NOS1: variants seen among roughly 807,000 people sequenced by gnomAD.
NOS1 encodes nitric oxide synthase 1.
NOS1 carries 51 observed loss-of-function variants against 164.5 expected under a neutral mutation model. The observed-to-expected ratio is 0.31, with a 90% confidence interval of 0.25 to 0.39. The LOEUF is 0.39. Ranked by LOEUF, NOS1 falls within the 10% of genes least tolerant of loss-of-function variation. The probability of loss-of-function intolerance (pLI) is 1.00; values close to 1 mark genes in which losing one functional copy is unlikely to be tolerated. For missense variants in NOS1, 1,362 were observed against 1,885.6 expected, an observed-to-expected ratio of 0.72 and a Z score of 5.14; for synonymous variants, 719 against 745.8, an observed-to-expected ratio of 0.96 and a Z score of 0.59.
chr12:117,275,228 G>T (rs1303597997), intron 9 of NOS1, among the ~76,000 whole-genome samples: 1 of 151,970 alleles, frequency 6.6e-6, no homozygotes, highest in Non-Finnish European at 1.5e-5. Context: ...CAGGTCTGGT[G>T]TGGATCAAGT....
intron 3 of NOS1, among the ~76,000 whole-genome samples, chr12:117,291,438 T>C (rs1221271245): frequency 6.6e-6 from 1 of 151,776 alleles, no homozygotes; most frequent in East Asian, 1.9e-4. Context: ...ACTCTGCAAA[T>C]GATTTGGCCA....
Position 117,251,596 on chromosome 12 carries a change from A to AT in NOS1, c.2648+2041dup, listed in dbSNP as rs11347925. On this transcript the variant is annotated intron_variant, in intron 17 of 28. Coordinates refer to ENST00000317775, the MANE Select transcript of NOS1 (RefSeq NM_000620.5). ...CCCAGCTAATCAATTAATTTTTTTC[A>AT]TTTTTTTTTTTTTTTGTAGACACAG... Among the ~76,000 whole-genome samples, 245 of 136,124 alleles carry AT rather than the reference A, an allele frequency of 1.8e-3. 1 individual carries two copies. The highest frequency in any genetic ancestry group is 0.011 in the Middle Eastern group (3 of 274). The allele number at this position is 136,124 out of a possible 152,430, so 89.3% of individuals were successfully genotyped here.
intron 20 of NOS1, among the ~76,000 whole-genome samples, chr12:117,239,541 A>G (rs1330759698): frequency 6.6e-6 from 1 of 152,188 alleles, no homozygotes; most frequent in African/African-American, 2.4e-5. Context: ...ATCACCCTCA[A>G]AAGGCTGCCT....
In NOS1 at chr12:117,265,472, G is replaced by A. The variant is rs765418769; in HGVS notation, c.1980C>T (p.Thr660=). ...TCTCCATGTGCTTAATGAAGGACTC[G>A]GTGGCGGAGTGATGGTCAACAATGG... ...KVTIVDHHSA[T]ESFIKHMENE... is the part of the protein sequence containing the mutation. Residue 660 remains threonine (T), a synonymous_variant, in exon 12 of 29, where the codon ACC becomes ACT. Coordinates refer to ENST00000317775, the MANE Select transcript of NOS1 (RefSeq NM_000620.5). 8.9e-6 allele frequency: 14 copies of A among 1,573,416 alleles called. No homozygotes were observed. Among genetic ancestry groups the A allele is most frequent in the South Asian group, 3.6e-5 (3 of 82,494 alleles).
intron 17 of NOS1, among the ~76,000 whole-genome samples, chr12:117,248,802 C>A (rs1870863402): frequency 6.6e-6 from 1 of 151,564 alleles, no homozygotes; most frequent in South Asian, 2.1e-4. Flanking sequence ...AACTAGTTTA[C>A]AGTCCCACCA....
At chr12:117,285,096 A>T (rs920649785) in intron 7 of NOS1, 145 bp downstream of exon 7, 15 of 322,628 alleles carry the variant, frequency 4.6e-5, no homozygotes, top group Admixed American at 4.0e-4. Context: ...TAAAAAAAAA[A>T]GATGCCAGGA....
At chr12:117,340,157 C>T (rs1876029456) in intron 1 of NOS1, among the ~76,000 whole-genome samples, 1 of 152,076 alleles carries the variant, frequency 6.6e-6, no homozygotes, top group Admixed American at 6.6e-5. Context: ...GCACACACCA[C>T]CGTGACTGGC....
At chr12:117,295,784 T>A (rs571368375) in intron 3 of NOS1, among the ~76,000 whole-genome samples, 1 of 151,572 alleles carries the variant, frequency 6.6e-6, no homozygotes, top group Non-Finnish European at 1.5e-5. Flanking sequence ...CATGCCTGGC[T>A]AATTTTTCTA....
At chr12:117,289,758 A>C (rs565293099) in intron 4 of NOS1, among the ~76,000 whole-genome samples, 1 of 152,314 alleles carries the variant, frequency 6.6e-6, no homozygotes, top group Admixed American at 6.5e-5. Flanking sequence ...TGTCTTGCTT[A>C]TCTGGGAGGG....
At position 117,234,574 on chromosome 12, in the gene NOS1, T is replaced by C; in HGVS notation, c.3226A>G (p.Thr1076Ala). The C allele has an allele frequency of 1.2e-6, 2 of 1,613,570 alleles. No homozygotes were observed. The highest frequency in any genetic ancestry group is 1.7e-6 in the Non-Finnish European group (2 of 1,179,628). The change falls in exon 21 of 29, where the codon ACG (threonine) becomes GCG (alanine). Residue 1076 changes from threonine to alanine, a missense_variant. By Grantham distance (58) the Thr-to-Ala change is moderately conservative. Transcript: ENST00000317775. The surrounding 1 kb of genome is among the most constrained non-coding windows in gnomAD (Gnocchi z 4.3). ...TCCCCGGGAATGTTACCTAAAGCCG[T>C]GTTCCGCTCCTCCAGCAGTTCCACT... ...VKVELLEERN[T>A]ALGVISNWTD... is the part of the protein sequence containing the mutation.
chr12:117,213,512 A>AT lies in NOS1; in HGVS notation c.*1796dup, dbSNP rs1212966778. On this transcript the variant is annotated 3_prime_UTR_variant, in exon 29 of 29. Transcript: ENST00000317775. ...AGGACACCGGTGGGGGCTGCCAGGG[A>AT]TGGCAGAGCAAGGTGAGTCATAGAT... 1.0e-6 allele frequency: 1 copy of AT among 985,266 alleles called. No individual in the cohort carries two copies. The highest frequency in any genetic ancestry group is 1.7e-5 in the African/African-American group (1 of 57,206). 61.0% of individuals were successfully genotyped at this position (985,266 alleles called of 1,614,324 possible).
chr12:117,314,845 G>A (rs1301137379), intron 2 of NOS1, among the ~76,000 whole-genome samples: 1 of 152,156 alleles, frequency 6.6e-6, no homozygotes. Context: ...GACCTCAGGC[G>A]ATCCACCTGC....
chr12:117,285,079 TAA>T (rs1566058734), intron 7 of NOS1, among the ~76,000 whole-genome samples, 160 bp downstream of exon 7: 5 of 148,408 alleles, frequency 3.4e-5, no homozygotes, highest in African/African-American at 1.2e-4. Flanking sequence ...TAAAATAAAA[TAA>T]AAAATAAAAA....
At chr12:117,221,374 C>T (rs1267799517) in intron 26 of NOS1, among the ~76,000 whole-genome samples, 1 of 151,576 alleles carries the variant, frequency 6.6e-6, no homozygotes, top group Non-Finnish European at 1.5e-5. Flanking sequence ...GTCTCAAACT[C>T]CTGGCCTCAA....
rs139337779 is a variant in NOS1 at position 117,326,108 on chromosome 12, G to A, written c.725+4237C>T. Among the ~76,000 whole-genome samples the A allele has an allele frequency of 5.7e-3, 865 of 152,238 alleles. 5 individuals are homozygous for A. Among genetic ancestry groups the A allele is most frequent in the Middle Eastern group, 0.037 (11 of 294 alleles). On this transcript the variant is annotated intron_variant, in intron 2 of 28. Transcript: ENST00000317775. ...GTGTTAAGAAATGGGGGTGCTGGCC[G>A]GGCATGGTGGCTCACTCCTGTAATC... is the stretch of plus-strand genomic sequence containing the variant.
At chr12:117,235,488 C>A (rs553392761) in intron 20 of NOS1, among the ~76,000 whole-genome samples, 1 of 152,150 alleles carries the variant, frequency 6.6e-6, no homozygotes, top group Non-Finnish European at 1.5e-5. Flanking sequence ...AGCCCCACCC[C>A]CTTTGGCAAC....
At chr12:117,324,354 C>G (rs905616946) in intron 2 of NOS1, among the ~76,000 whole-genome samples, 3 of 152,276 alleles carry the variant, frequency 2.0e-5, no homozygotes, top group South Asian at 2.1e-4. Flanking sequence ...GACACTGGAT[C>G]GGGGACCTTG....
Position 117,268,059 on chromosome 12 carries a change from A to G in NOS1, c.1925T>C (p.Val642Ala). 6.2e-7 allele frequency: 1 copy of G among 1,613,266 alleles called. No homozygotes were observed. Among genetic ancestry groups the G allele is most frequent in the South Asian group, 1.1e-5 (1 of 91,014 alleles). The change falls in exon 11 of 29, where the codon GTT becomes GCT. Residue 642 changes from valine (V) to alanine (A), a missense_variant. Val to Ala is a moderately conservative substitution (Grantham distance 64). Transcript: ENST00000317775. ...TGGTGTTACCTGGAAGCTATAGAGAACCGCGATATTGATCTCCACCAGCGC... is the reference window on the plus strand; with the variant it reads ...TGGTGTTACCTGGAAGCTATAGAGAGCCGCGATATTGATCTCCACCAGCGC... ...DQALVEINIA[V>A]LYSFQSDKVT...
chr12:117,303,684 C>G (rs1163121409), intron 3 of NOS1, among the ~76,000 whole-genome samples: 1 of 152,162 alleles, frequency 6.6e-6, no homozygotes, highest in Non-Finnish European at 1.5e-5. Context: ...CATCCCCAAA[C>G]AGGGCACAGT....
Sources: allele counts gnomAD v4.1 joint callset (sites outside exome capture counted in the v4.1 genomes callset), GRCh38; gene constraint gnomAD v4.1.1; non-coding constraint Gnocchi (gnomAD v3.1); transcripts MANE v1.5; gene names NCBI Gene and HGNC (gene_info 2026-07-23, HGNC 2026-07-21).